Variants in CHODL observed in about 807,000 individuals in gnomAD.
CHODL encodes transmembrane protein MT75.
In CHODL, 29 loss-of-function variants were observed where a neutral mutation model predicts 34.5. That is an observed-to-expected ratio of 0.84 (90% confidence interval 0.63 to 1.15). The LOEUF (loss-of-function observed/expected upper bound fraction) is 1.15. Ranked by LOEUF, CHODL falls within the 50% of genes most tolerant of loss-of-function variation. CHODL has a pLI of 0.00. For synonymous variants in CHODL, 125 were observed against 116.1 expected (o/e 1.08, Z -0.49); for missense variants, 332 against 332.5 (o/e 1.00, Z 0.01).
At chr21:18,188,439 C>T (rs2073470088) in intron 2 of CHODL, among the ~76,000 whole-genome samples, 1 of 152,100 alleles carries the variant, frequency 6.6e-6, no homozygotes, top group Non-Finnish European at 1.5e-5. Flanking sequence ...CCCAGAATTA[C>T]CACAAGTGAC....
At chr21:18,099,212 A>T (rs976775767) in intron 2 of CHODL, among the ~76,000 whole-genome samples, 1 of 152,048 alleles carries the variant, frequency 6.6e-6, no homozygotes, top group Non-Finnish European at 1.5e-5. Flanking sequence ...ATTTAATTGT[A>T]CATTTTAAAA....
At chr21:18,112,810 T>C (rs1317179117) in intron 2 of CHODL, among the ~76,000 whole-genome samples, 1 of 152,120 alleles carries the variant, frequency 6.6e-6, no homozygotes, top group Non-Finnish European at 1.5e-5. Context: ...AGTATGAAAC[T>C]ACTACAAGAA....
intron 1 of CHODL, among the ~76,000 whole-genome samples, chr21:18,003,637 T>C (rs1423221084): frequency 6.6e-6 from 1 of 152,206 alleles, no homozygotes; most frequent in Non-Finnish European, 1.5e-5. Context: ...CACACATTAG[T>C]GGCTAAGAGA....
At chr21:18,002,080 C>T (rs2063912367) in intron 1 of CHODL, among the ~76,000 whole-genome samples, 1 of 152,030 alleles carries the variant, frequency 6.6e-6, no homozygotes. Flanking sequence ...GTACTTTTGT[C>T]ATGGTATTGT....
intron 2 of CHODL, among the ~76,000 whole-genome samples, chr21:18,057,417 C>G (rs2064596947): frequency 6.6e-6 from 1 of 152,022 alleles, no homozygotes; most frequent in Non-Finnish European, 1.5e-5. Flanking sequence ...CCGTATACCT[C>G]TCGACCCCAC....
At chr21:18,197,540 C>G (rs560230059) in intron 2 of CHODL, among the ~76,000 whole-genome samples, 41 of 152,214 alleles carry the variant, frequency 2.7e-4, no homozygotes, top group African/African-American at 9.6e-4. Context: ...TGCTTGAACC[C>G]GGGATGCGGA....
rs1207308102 is a variant in CHODL, at chr21:18,141,318, TACTA to T, written c.-45+113350_-45+113353del. Among the ~76,000 whole-genome samples, 4 of 151,914 alleles carry T rather than the reference TACTA, an allele frequency of 2.6e-5. No homozygotes were observed. In the East Asian group the frequency reaches 7.7e-4, roughly 29 times the overall value. On this transcript the variant is annotated intron_variant, in intron 2 of 6. Coordinates refer to the CHODL transcript ENST00000400127. Reference sequence around the variant, plus strand: ...TATAAAATTAAATAAAATATATAAATACTAACAATGGGGAGTAAAATTAGGAAGA... The same window carrying T: ...TATAAAATTAAATAAAATATATAAATACAATGGGGAGTAAAATTAGGAAGA...
intron 1 of CHODL, among the ~76,000 whole-genome samples, chr21:18,004,523 C>G (rs1443244326): frequency 1.3e-5 from 2 of 152,200 alleles, no homozygotes; most frequent in Non-Finnish European, 1.5e-5. Context: ...GGAAATCGAG[C>G]ATACAATCAT....
chr21:18,131,780 A>T (rs2072657766), intron 2 of CHODL, among the ~76,000 whole-genome samples: 1 of 152,122 alleles, frequency 6.6e-6, no homozygotes, highest in Non-Finnish European at 1.5e-5. Flanking sequence ...CCATGTTAAA[A>T]TTATTACCAA....
chr21:18,116,608 G>T (rs985965992), intron 2 of CHODL, among the ~76,000 whole-genome samples: 1 of 152,124 alleles, frequency 6.6e-6, no homozygotes, highest in Non-Finnish European at 1.5e-5. Context: ...CCTAACCAAG[G>T]CCAGATTTTC....
chr21:18,245,065 C>A lies in CHODL; in HGVS notation c.-159C>A. The A allele has an allele frequency of 5.2e-6, 3 of 578,430 alleles. No homozygotes were observed. Among genetic ancestry groups the A allele is most frequent in the Non-Finnish European group, 8.3e-6 (3 of 360,566 alleles). 35.8% of individuals were successfully genotyped at this position (578,430 alleles called of 1,614,324 possible). ...GGCGCGGCAGGCGGCAGGTCCCGGC[C>A]GAAGGCGATGCGCGCAGGGGGTCGG... On this transcript the variant is annotated 5_prime_UTR_variant, in exon 1 of 6. Transcript: ENST00000299295.
At chr21:17,982,067 T>A (rs914207071) in intron 1 of CHODL, among the ~76,000 whole-genome samples, 11 of 152,242 alleles carry the variant, frequency 7.2e-5, no homozygotes, top group African/African-American at 2.2e-4. Context: ...TTCACTGTTT[T>A]TAGAAAGACT....
At chr21:18,116,889 T>C (rs1433141156) in intron 2 of CHODL, among the ~76,000 whole-genome samples, 13 of 152,290 alleles carry the variant, frequency 8.5e-5, no homozygotes, top group Admixed American at 8.5e-4. Flanking sequence ...GTGGCCCAGA[T>C]GAATGAGCAA....
At chr21:17,929,749 C>A (rs2063256672) in intron 1 of CHODL, among the ~76,000 whole-genome samples, 1 of 152,256 alleles carries the variant, frequency 6.6e-6, no homozygotes, top group Non-Finnish European at 1.5e-5. Context: ...CTTCGGCCCA[C>A]ATGGAATTCC....
At chr21:17,954,016 ATT>A (rs200466485) in intron 1 of CHODL, among the ~76,000 whole-genome samples, 10 of 145,430 alleles carry the variant, frequency 6.9e-5, no homozygotes, top group African/African-American at 2.5e-4. Flanking sequence ...CTCAAAAAAA[ATT>A]TTTTTAAATA....
At chr21:18,090,354 C>T (rs1385942917) in intron 2 of CHODL, among the ~76,000 whole-genome samples, 1 of 152,030 alleles carries the variant, frequency 6.6e-6, no homozygotes, top group Non-Finnish European at 1.5e-5. Context: ...TATAGTGGAT[C>T]CAAGAGCCTG....
At chr21:18,181,891 T>C (rs73316203) in intron 2 of CHODL, among the ~76,000 whole-genome samples, 57 of 152,352 alleles carry the variant, frequency 3.7e-4, no homozygotes, top group African/African-American at 1.3e-3. Context: ...CAACACTTCA[T>C]TTGTTTTTAT....
At chr21:18,257,238 A>G in intron 3 of CHODL, 111 bp downstream of exon 3, 1 of 984,050 alleles carries the variant, frequency 1.0e-6, no homozygotes, top group East Asian at 2.5e-5. Flanking sequence ...GCTGTGAAAT[A>G]GAAAATTACC....
intron 2 of CHODL, among the ~76,000 whole-genome samples, chr21:18,132,993 A>G (rs537326164): frequency 6.6e-6 from 1 of 152,190 alleles, no homozygotes; most frequent in East Asian, 1.9e-4. Context: ...TAATGAAACT[A>G]TTGGCAATTC....
Sources: gnomAD v4.1 joint callset for allele counts (sites outside exome capture counted in the v4.1 genomes callset) on GRCh38, gnomAD v4.1.1 for gene constraint, MANE v1.5 for transcripts, NCBI Gene and HGNC (gene_info 2026-07-23, HGNC 2026-07-21) for gene names.